Variants in OGFRL1 observed in about 807,000 individuals in gnomAD.
OGFRL1 encodes the protein opioid growth factor receptor like 1, also known as opioid growth factor receptor-like protein 1.
OGFRL1 carries 26 observed loss-of-function variants against 32.4 expected under a neutral mutation model. The observed-to-expected ratio is 0.80, with a 90% CI of 0.59 to 1.11. The LOEUF (loss-of-function observed/expected upper bound fraction) is 1.11, where lower values mean the gene tolerates loss of function less well. OGFRL1 is among the 50% of genes most tolerant of loss of function. The pLI is 0.00. For missense variants in OGFRL1, 521 were observed against 546.4 expected (o/e 0.95, Z 0.46); for synonymous variants, 211 against 201.2 (o/e 1.05, Z -0.41).
At chr6:71,300,559 A>G (rs1418080634) in intron 6 of OGFRL1, among the ~76,000 whole-genome samples, 1 of 152,180 alleles carries the variant, frequency 6.6e-6, no homozygotes, top group South Asian at 2.1e-4. Flanking sequence ...AGGTACAAAT[A>G]TGGTGGTCCC....
In OGFRL1 at chr6:71,305,352, GAGAA is replaced by G. The variant is rs1337027296; in HGVS notation, c.*3307_*3310del. 2 of 152,002 alleles carry G rather than the reference GAGAA, an allele frequency of 1.3e-5. No individual in the cohort carries two copies. Among genetic ancestry groups the G allele is most frequent in the Non-Finnish European group, 2.9e-5 (2 of 67,918 alleles). The allele number at this position is 152,002 out of a possible 1,614,324, so 9.4% of individuals were successfully genotyped here. On this transcript the variant is annotated 3_prime_UTR_variant, in exon 7 of 7. Coordinates refer to ENST00000370435, the MANE Select transcript of OGFRL1 (RefSeq NM_024576.5). ...TTATAAGATATATTTCTGTACAGTAGAGAAAGAGTTTATAACATGAAGAATATTG... is the reference window on the plus strand; with the variant it reads ...TTATAAGATATATTTCTGTACAGTAGAGAGTTTATAACATGAAGAATATTG...
intron 1 of OGFRL1, among the ~76,000 whole-genome samples, chr6:71,290,793 C>T (rs58732838): frequency 0.17 from 26,478 of 152,138 alleles, 2,985 homozygotes; most frequent in African/African-American, 0.3. Flanking sequence ...CCTCTGAATA[C>T]TGAACAAATG....
rs545473382 is a variant in OGFRL1, at chr6:71,300,675, C to T, written c.693-711C>T. Among the ~76,000 whole-genome samples the T allele has an allele frequency of 9.2e-5, 14 of 152,198 alleles. No homozygotes were observed. The South Asian group carries it at 2.7e-3, about 29-fold the overall frequency. The stretch of plus-strand genomic sequence containing the variant: ...GTATCATCTCATTTGATTCTTACAA[C>T]AGTCCTGTAAGTTGTGGGCACTTTT... On this transcript the variant is annotated intron_variant, in intron 6 of 6. Coordinates refer to ENST00000370435, the MANE Select transcript of OGFRL1 (RefSeq NM_024576.5).
At chr6:71,300,088 T>TA (rs1026026940) in intron 6 of OGFRL1, among the ~76,000 whole-genome samples, 1 of 152,214 alleles carries the variant, frequency 6.6e-6, no homozygotes, top group African/African-American at 2.4e-5. Flanking sequence ...TATTTCAAAG[T>TA]AAAATCTTCA....
intron 6 of OGFRL1, 76 bp from the exon 7 acceptor site, chr6:71,301,310 T>A: frequency 8.2e-7 from 1 of 1,223,882 alleles, no homozygotes; most frequent in Non-Finnish European, 1.1e-6. Flanking sequence ...TAAAAAATAT[T>A]TTCCCAATAG....
intron 2 of OGFRL1, 66 bp downstream of exon 2, chr6:71,293,445 G>A: frequency 6.4e-7 from 1 of 1,568,670 alleles, no homozygotes; most frequent in Non-Finnish European, 8.7e-7. Flanking sequence ...AATTTTTATG[G>A]TGCCACTGAG....
At chr6:71,296,640 T>C in intron 5 of OGFRL1, 32 bp from the exon 6 acceptor site, 1 of 1,608,968 alleles carries the variant, frequency 6.2e-7, no homozygotes, top group Non-Finnish European at 8.5e-7. Flanking sequence ...TACTGAATCA[T>C]TTCAGGTGAC....
At chr6:71,293,709 G>C in intron 3 of OGFRL1, 98 bp downstream of exon 3, 1 of 833,006 alleles carries the variant, frequency 1.2e-6, no homozygotes. Context: ...GATTTACTTT[G>C]CTATGCAGTC....
chr6:71,295,399 T>C (rs2149353500), intron 3 of OGFRL1: 1 of 152,324 alleles, frequency 6.6e-6, no homozygotes, highest in South Asian at 2.1e-4. Flanking sequence ...ATTATATTGC[T>C]ATTTTATTTT....
Position 71,288,896 on chromosome 6 carries a change from C to A in OGFRL1, c.-41C>A. On this transcript the variant is annotated 5_prime_UTR_variant, in exon 1 of 7. Coordinates refer to ENST00000370435, the MANE Select transcript of OGFRL1 (RefSeq NM_024576.5). ...CCTAGAGCGCCTGCCGCAGCTTGCG[C>A]CCCGCAGCCCCGCAGCCCCGCGCCC... 8.1e-7 allele frequency: 1 copy of A among 1,235,684 alleles called. No homozygotes were observed. The highest frequency in any genetic ancestry group is 1.0e-6 in the Non-Finnish European group (1 of 972,456). 76.5% of individuals were successfully genotyped at this position (1,235,684 alleles called of 1,614,324 possible). A position where few individuals can be genotyped will look rare whatever the true frequency, so the allele number is the denominator to read the frequency against.
intron 3 of OGFRL1, among the ~76,000 whole-genome samples, chr6:71,294,961 TA>T (rs779352902): frequency 7.2e-4 from 110 of 152,332 alleles, no homozygotes; most frequent in Admixed American, 1.4e-3. Flanking sequence ...AATATTAATT[TA>T]AAAAGTAATT....
chr6:71,289,068 G>T lies in OGFRL1; in HGVS notation c.132G>T (p.Gly44=). The part of the protein sequence containing the change: ...PGPGGGSEGP[G]QESEQPAQPP... ...CGGGCGGCGGCAGCGAGGGCCCGGG[G>T]CAGGAGTCCGAGCAGCCCGCGCAGC... Residue 44 remains glycine (G), a synonymous_variant, in exon 1 of 7, where the codon GGG becomes GGT. Transcript: ENST00000370435. 1 of 1,227,082 alleles carries T rather than the reference G, an allele frequency of 8.1e-7. No individual in the cohort carries two copies. Among genetic ancestry groups the T allele is most frequent in the Non-Finnish European group, 1.0e-6 (1 of 971,324 alleles). 76.0% of individuals were successfully genotyped at this position (1,227,082 alleles called of 1,614,324 possible). A position where few individuals can be genotyped will look rare whatever the true frequency, so the allele number is the denominator to read the frequency against.
chr6:71,300,001 T>C (rs1420264708), intron 6 of OGFRL1, among the ~76,000 whole-genome samples: 1 of 152,206 alleles, frequency 6.6e-6, no homozygotes, highest in Non-Finnish European at 1.5e-5. Context: ...CATTGAAACA[T>C]AAGACCATGG....
At chr6:71,299,537 T>C (rs1022394795) in intron 6 of OGFRL1, among the ~76,000 whole-genome samples, 4 of 152,210 alleles carry the variant, frequency 2.6e-5, no homozygotes, top group Non-Finnish European at 2.9e-5. Flanking sequence ...AGATTGGCTA[T>C]ATAAAATTGA....
Position 71,302,126 on chromosome 6 carries a change from T to G in OGFRL1, c.*77T>G. 7.9e-7 allele frequency: 1 copy of G among 1,265,372 alleles called. No individual in the cohort carries two copies. Among genetic ancestry groups the G allele is most frequent in the Non-Finnish European group, 1.0e-6 (1 of 955,620 alleles). The allele number at this position is 1,265,372 out of a possible 1,614,324, so 78.4% of individuals were successfully genotyped here. A position where few individuals can be genotyped will look rare whatever the true frequency, so the allele number is the denominator to read the frequency against. ...TATCATTTATCCTAAAGAACAGAGA[T>G]GAGGTCAATTTCAAATTTTAGCCAT... is the stretch of plus-strand genomic sequence containing the variant. On this transcript the variant is annotated 3_prime_UTR_variant, in exon 7 of 7. Transcript: ENST00000370435.
intron 3 of OGFRL1, chr6:71,295,757 TGTTTTCTCCTTC>T (rs1359245103): frequency 6.6e-6 from 1 of 152,302 alleles, no homozygotes; most frequent in Non-Finnish European, 1.5e-5. Context: ...CCTTCTCCTT[TGTTTTCTCCTTC>T]TCATTTCTTT....
chr6:71,289,220 C>A, intron 1 of OGFRL1, 50 bp downstream of exon 1: 1 of 1,044,216 alleles, frequency 9.6e-7, no homozygotes, highest in Non-Finnish European at 1.1e-6. Context: ...CCCCGACACC[C>A]CAGAGGGGCA....
intron 1 of OGFRL1, among the ~76,000 whole-genome samples, chr6:71,290,203 C>T (rs1323337755): frequency 6.6e-6 from 1 of 152,060 alleles, no homozygotes. Context: ...TTAGAGAAAA[C>T]TGAGGCTTAG....
rs1278515205 is a variant in OGFRL1 at position 71,296,538 on chromosome 6, G to A, written c.523G>A (p.Glu175Lys). Residue 175 changes from glutamate to lysine, a missense_variant, in exon 5 of 7, where the codon GAA (glutamate) becomes AAA (lysine). Transcript: ENST00000370435. Reference protein sequence around the residue: ...REQGLNFYAKELTTYEIEEFK... With the variant: ...REQGLNFYAKKLTTYEIEEFK... ...ACAAGGCTTGAACTTCTATGCCAAA[G>A]AACTAACTACATATGAAATTGAGGT... is the stretch of plus-strand genomic sequence containing the variant. 6.2e-7 allele frequency: 1 copy of A among 1,611,800 alleles called. No homozygotes were observed. Among genetic ancestry groups the A allele is most frequent in the Non-Finnish European group, 8.5e-7 (1 of 1,179,224 alleles).
Sources: allele counts gnomAD v4.1 joint callset (sites outside exome capture counted in the v4.1 genomes callset), GRCh38; gene constraint gnomAD v4.1.1; transcripts MANE v1.5; gene names NCBI Gene and HGNC (gene_info 2026-07-23, HGNC 2026-07-21).